CPLX4: variants seen among roughly 807,000 people sequenced by gnomAD.
CPLX4 encodes complexin 4, also known as complexin-4.
In CPLX4, 17 loss-of-function variants were observed where a neutral mutation model predicts 16.1. The ratio of observed to expected loss-of-function variants is 1.06; its 90% CI spans 0.72 to 1.59. The LOEUF (loss-of-function observed/expected upper bound fraction) is 1.59. Among genes scored for constraint, CPLX4 ranks in the 40% most tolerant of loss-of-function variants. CPLX4 has a pLI of 0.00. For synonymous variants in CPLX4, 55 were observed against 57.8 expected, an observed-to-expected ratio of 0.95 and a Z score of 0.22; for missense variants, 193 against 192.9, an observed-to-expected ratio of 1.00 and a Z score of 0.00.
chr18:59,298,430 G>C (rs2070517675), intron 2 of CPLX4, among the ~76,000 whole-genome samples: 1 of 152,152 alleles, frequency 6.6e-6, no homozygotes, highest in Admixed American at 6.5e-5. Flanking sequence ...GGAAACAGAA[G>C]ATTAAAAAGA....
intron 2 of CPLX4, among the ~76,000 whole-genome samples, chr18:59,306,898 C>G (rs1010674905): frequency 6.6e-6 from 1 of 152,144 alleles, no homozygotes; most frequent in African/African-American, 2.4e-5. Flanking sequence ...TCGTCCAATT[C>G]CCTGTGGGCT....
chr18:59,318,287 T>A lies in CPLX4; in HGVS notation c.167+9A>T. The A allele has an allele frequency of 6.3e-7, 1 of 1,597,028 alleles. No homozygotes were observed. Among genetic ancestry groups the A allele is most frequent in the Non-Finnish European group, 8.5e-7 (1 of 1,172,008 alleles). On this transcript the variant is annotated intron_variant, in intron 1 of 2. Coordinates refer to ENST00000299721, the MANE Select transcript of CPLX4 (RefSeq NM_181654.4). ...GCTTTTTAAGGGAAATGAAATAGCA[T>A]GTACTCACTTCTCCTCAATCATTTG...
chr18:59,307,883 C>T (rs996833558), intron 2 of CPLX4, among the ~76,000 whole-genome samples: 5 of 151,572 alleles, frequency 3.3e-5, no homozygotes, highest in African/African-American at 1.2e-4. Flanking sequence ...TCCTGGGTAG[C>T]TGGGATTACA....
intron 2 of CPLX4, among the ~76,000 whole-genome samples, chr18:59,304,964 T>TGC (rs1316494426): frequency 6.9e-6 from 1 of 144,624 alleles, no homozygotes; most frequent in Non-Finnish European, 1.5e-5. Flanking sequence ...TGTGTGTGTG[T>TGC]GTGCAATTTT....
intron 2 of CPLX4, among the ~76,000 whole-genome samples, chr18:59,306,523 CT>C (rs2070577851): frequency 6.6e-6 from 1 of 152,172 alleles, no homozygotes; most frequent in South Asian, 2.1e-4. Context: ...AATTAATAAA[CT>C]TGAGACCCAA....
intron 1 of CPLX4, among the ~76,000 whole-genome samples, chr18:59,314,430 C>T (rs2070638940): frequency 6.6e-6 from 1 of 152,050 alleles, no homozygotes; most frequent in Non-Finnish European, 1.5e-5. Flanking sequence ...AAATCAGTAA[C>T]ATTTCCCCCA....
chr18:59,318,365 T>C lies in CPLX4; in HGVS notation c.98A>G (p.Asp33Gly). The change falls in exon 1 of 3, where the codon GAT (aspartate) becomes GGT (glycine). Residue 33 changes from aspartate to glycine, a missense_variant. Asp to Gly is a moderately conservative substitution (Grantham distance 94). Coordinates refer to ENST00000299721, the MANE Select transcript of CPLX4 (RefSeq NM_181654.4). The stretch of plus-strand genomic sequence containing the variant: ...AGTCATCCCTTGAGCTGCTGCAGGA[T>C]CAGATGCACCTCCTTCTTCTTTATT... ...EENKEEGGAS[D>G]PAAAQGMTRE... 1 of 1,613,948 alleles carries C rather than the reference T, an allele frequency of 6.2e-7. No individual in the cohort carries two copies. The highest frequency in any genetic ancestry group is 2.2e-5 in the East Asian group (1 of 44,872).
At chr18:59,309,338 T>A (rs2070599577) in intron 2 of CPLX4, among the ~76,000 whole-genome samples, 1 of 152,206 alleles carries the variant, frequency 6.6e-6, no homozygotes, top group Non-Finnish European at 1.5e-5. Context: ...CTGCAATGAA[T>A]GATGGTGTGT....
chr18:59,299,015 C>T (rs370410526), intron 2 of CPLX4, among the ~76,000 whole-genome samples: 141 of 152,334 alleles, frequency 9.3e-4, no homozygotes, highest in Admixed American at 5.0e-3. Flanking sequence ...AGTCCCACTC[C>T]GCGCCAGCCT....
intron 2 of CPLX4, among the ~76,000 whole-genome samples, chr18:59,303,479 G>A (rs1208117410): frequency 6.6e-6 from 1 of 152,142 alleles, no homozygotes. Flanking sequence ...AAAGATTCTT[G>A]CAAAAATGTC....
intron 2 of CPLX4, among the ~76,000 whole-genome samples, chr18:59,306,032 C>T (rs1015889250): frequency 6.6e-6 from 1 of 152,122 alleles, no homozygotes; most frequent in Non-Finnish European, 1.5e-5. Context: ...GAACCACTTA[C>T]TGTATTTAGA....
At chr18:59,306,246 C>T (rs774564242) in intron 2 of CPLX4, among the ~76,000 whole-genome samples, 4 of 152,110 alleles carry the variant, frequency 2.6e-5, no homozygotes, top group Non-Finnish European at 5.9e-5. Flanking sequence ...TAGTGGTGTG[C>T]GATCCAAATC....
chr18:59,298,653 C>G (rs148907982), intron 2 of CPLX4, among the ~76,000 whole-genome samples: 13 of 151,724 alleles, frequency 8.6e-5, no homozygotes, highest in African/African-American at 2.9e-4. Context: ...TCTGAATTCT[C>G]CCTGTCTGGG....
At chr18:59,297,954 C>T (rs899414646) in intron 2 of CPLX4, among the ~76,000 whole-genome samples, 5 of 152,170 alleles carry the variant, frequency 3.3e-5, no homozygotes, top group African/African-American at 9.7e-5. Flanking sequence ...AGGGCATGGC[C>T]GCCACTCAGC....
At chr18:59,310,036 G>T (rs761315139) in intron 2 of CPLX4, among the ~76,000 whole-genome samples, 3 of 151,916 alleles carry the variant, frequency 2.0e-5, no homozygotes, top group East Asian at 1.9e-4. Flanking sequence ...GTAAAATGAC[G>T]CAGTGGTATG....
At chr18:59,310,713 G>A (rs1041541843) in intron 2 of CPLX4, among the ~76,000 whole-genome samples, 1 of 152,138 alleles carries the variant, frequency 6.6e-6, no homozygotes, top group African/African-American at 2.4e-5. Flanking sequence ...AAGATCCTAT[G>A]AAGTTAGGTA....
In CPLX4 at chr18:59,305,334, A is replaced by T. The variant is rs981097397; in HGVS notation, c.255+7351T>A. Among the ~76,000 whole-genome samples, 4 of 149,776 alleles carry T rather than the reference A, an allele frequency of 2.7e-5. No individual in the cohort carries two copies. The East Asian group carries it at 7.9e-4, about 29-fold the overall frequency. On this transcript the variant is annotated intron_variant, in intron 2 of 2. Transcript: ENST00000299721. Reference sequence around the variant, plus strand: ...ATACAGGACAAGGAGTTCGGATTTTATTCTAAAAGACATAGTGGCTTTAAA... The same window carrying T: ...ATACAGGACAAGGAGTTCGGATTTTTTTCTAAAAGACATAGTGGCTTTAAA...
intron 2 of CPLX4, among the ~76,000 whole-genome samples, chr18:59,309,430 A>T (rs1226701248): frequency 6.6e-6 from 1 of 152,228 alleles, no homozygotes; most frequent in African/African-American, 2.4e-5. Context: ...TCTAGGGTCA[A>T]ACCGTTAGAC....
At chr18:59,306,193 C>T (rs1426260980) in intron 2 of CPLX4, among the ~76,000 whole-genome samples, 2 of 152,044 alleles carry the variant, frequency 1.3e-5, no homozygotes, top group South Asian at 2.1e-4. Flanking sequence ...TAAGGAGAGG[C>T]CAATCAAGAA....
Sources: allele counts gnomAD v4.1 joint callset (sites outside exome capture counted in the v4.1 genomes callset), GRCh38; gene constraint gnomAD v4.1.1; transcripts MANE v1.5; gene names NCBI Gene and HGNC (gene_info 2026-07-23, HGNC 2026-07-21).